Variants in ITGAE observed in about 807,000 individuals in gnomAD.
The protein encoded by ITGAE is integrin alpha-E.
ITGAE carries 99 observed loss-of-function variants against 136.5 expected under a neutral mutation model. That is an observed-to-expected ratio of 0.73 (90% confidence interval 0.62 to 0.86). The LOEUF (loss-of-function observed/expected upper bound fraction) is 0.86. Among genes scored for constraint, ITGAE ranks in the 40% least tolerant of loss-of-function variants. ITGAE has a pLI of 0.00. For synonymous variants in ITGAE, 613 were observed against 591.8 expected (o/e 1.04, Z -0.52); for missense variants, 1,447 against 1,515.3 (o/e 0.95, Z 0.75).
At chr17:3,747,822 CCA>C in intron 17 of ITGAE, 98 bp downstream of exon 17, 1 of 316,518 alleles carries the variant, frequency 3.2e-6, no homozygotes, top group Non-Finnish European at 6.0e-6. Context: ...AGACCAACAC[CCA>C]CCCACCCCCC....
intron 23 of ITGAE, chr17:3,730,608 G>C (rs1371932189): frequency 6.5e-6 from 1 of 154,530 alleles, no homozygotes; most frequent in Admixed American, 6.3e-5. Context: ...GGTTGTGGGG[G>C]CTGTCCTGTA....
chr17:3,741,333 A>G (rs111443406), intron 19 of ITGAE, among the ~76,000 whole-genome samples: 1,716 of 149,360 alleles, frequency 0.011, 41 homozygotes, highest in African/African-American at 0.038. Context: ...ATGATCCGCC[A>G]GCCTCGGCCT....
At chr17:3,717,263 C>A in intron 29 of ITGAE, 1 of 156,926 alleles carries the variant, frequency 6.4e-6, no homozygotes, top group East Asian at 1.9e-4. Flanking sequence ...TTGCACAGAT[C>A]CCTAAAGGCT....
chr17:3,782,340 A>AGTGTGTGTGTGTGTGTGTGTGTGT (rs151134975), intron 1 of ITGAE, among the ~76,000 whole-genome samples: 1 of 109,618 alleles, frequency 9.1e-6, no homozygotes, highest in Non-Finnish European at 1.8e-5. Flanking sequence ...TTAAATCTCT[A>AGTGTGTGTGTGTGTGTGTGTGTGT]GTGTGTGTGT....
At chr17:3,719,852 C>G (rs2143006100) in intron 29 of ITGAE, among the ~76,000 whole-genome samples, 1 of 152,140 alleles carries the variant, frequency 6.6e-6, no homozygotes. Context: ...CTCAGCCTCC[C>G]AAGTAGGTGG....
At chr17:3,731,335 CTTTTTTTTTTTTTT>C (rs78134599) in intron 22 of ITGAE, 152 bp from the exon 23 acceptor site, 334 of 396,622 alleles carry the variant, frequency 8.4e-4, no homozygotes, top group East Asian at 1.4e-3. Context: ...CTTTCCCTTC[CTTTTTTTTTTTTTT>C]TTTTTTTTTT....
chr17:3,785,191 G>A (rs116124501), intron 1 of ITGAE, among the ~76,000 whole-genome samples: 2,268 of 151,824 alleles, frequency 0.015, 56 homozygotes, highest in African/African-American at 0.051. Context: ...AAAGATGGCC[G>A]GACATGGTGG....
At position 3,724,046 on chromosome 17, in the gene ITGAE, G is replaced by T. The variant is rs375510628; in HGVS notation, c.3085-302C>A. On this transcript the variant is annotated intron_variant, in intron 26 of 30. Coordinates refer to ENST00000263087, the MANE Select transcript of ITGAE (RefSeq NM_002208.5). The stretch of plus-strand genomic sequence containing the variant: ...GGGAAGCCGCGCAGTGGTTCCCGCC[G>T]CAGGACCGGAGGCGTTTCTTCAACA... The T allele has an allele frequency of 9.8e-5, 157 of 1,596,264 alleles. 1 individual carries two copies. The highest frequency in any genetic ancestry group is 6.6e-4 in the Middle Eastern group (4 of 6,040).
At chr17:3,789,510 T>C (rs1197192500) in intron 1 of ITGAE, among the ~76,000 whole-genome samples, 1 of 150,858 alleles carries the variant, frequency 6.6e-6, no homozygotes, top group African/African-American at 2.4e-5. Context: ...TTTTTGTTTT[T>C]TGTTTTTTGA....
chr17:3,755,013 C>T, intron 12 of ITGAE, 104 bp downstream of exon 12: 1 of 1,336,404 alleles, frequency 7.5e-7, no homozygotes, highest in Non-Finnish European at 9.9e-7. Flanking sequence ...CAGGTAGGCC[C>T]CGCCCTCGCC....
chr17:3,748,147 A>G, intron 16 of ITGAE, 95 bp from the exon 17 acceptor site: 1 of 1,261,748 alleles, frequency 7.9e-7, no homozygotes, highest in African/African-American at 1.5e-5. Context: ...GTTCTCTATC[A>G]AACATGCCCA....
chr17:3,734,994 AAAAACC>A, intron 20 of ITGAE, 45 bp from the exon 21 acceptor site: 3 of 1,610,296 alleles, frequency 1.9e-6, no homozygotes, highest in Non-Finnish European at 2.5e-6. Flanking sequence ...TTTCATCTGT[AAAAACC>A]TCAACGCAAT....
At chr17:3,787,042 T>C (rs950863193) in intron 1 of ITGAE, among the ~76,000 whole-genome samples, 2 of 151,728 alleles carry the variant, frequency 1.3e-5, no homozygotes, top group East Asian at 3.9e-4. Context: ...ATGCAGAAAA[T>C]GGCATCTGAT....
chr17:3,761,537 A>C lies in ITGAE; in HGVS notation c.316-17T>G. 6.3e-7 allele frequency: 1 copy of C among 1,597,938 alleles called. No homozygotes were observed. The highest frequency in any genetic ancestry group is 8.5e-7 in the Non-Finnish European group (1 of 1,170,608). ...AATGCATATCTGTGGGAGGGAAGAG[A>C]GGGTGGGGAAACACCAGGTCACCTC... On this transcript the variant is annotated splice_polypyrimidine_tract_variant and intron_variant, in intron 4 of 30. Coordinates refer to ENST00000263087, the MANE Select transcript of ITGAE (RefSeq NM_002208.5).
At chr17:3,782,797 T>C (rs1476387593) in intron 1 of ITGAE, among the ~76,000 whole-genome samples, 1 of 152,212 alleles carries the variant, frequency 6.6e-6, no homozygotes, top group Non-Finnish European at 1.5e-5. Flanking sequence ...CTCCTTTTTT[T>C]GGTTTAGTGA....
chr17:3,725,644 C>T (rs1467505059), intron 26 of ITGAE: 2 of 1,602,590 alleles, frequency 1.2e-6, no homozygotes. Flanking sequence ...GGATCTTACC[C>T]TCCCTTGCTC....
chr17:3,799,992 G>A lies in ITGAE; in HGVS notation c.34+1119C>T, dbSNP rs923720803. 1.3e-5 allele frequency among the ~76,000 whole-genome samples: 2 copies of A among 152,126 alleles called. No homozygotes were observed. The highest frequency in any genetic ancestry group is 2.9e-5 in the Non-Finnish European group (2 of 68,014). On this transcript the variant is annotated intron_variant, in intron 1 of 30. Transcript: ENST00000263087. The surrounding 1 kb of genome is among the most constrained non-coding windows in gnomAD (Gnocchi z 4.1). ...AAATTAGCCAGGCGTGGTGGCAGGC[G>A]CCTGTAATCCCAGCTACTCGGGAGG...
chr17:3,747,359 C>T (rs1282103452), intron 17 of ITGAE, among the ~76,000 whole-genome samples: 3 of 152,040 alleles, frequency 2.0e-5, no homozygotes, highest in African/African-American at 7.2e-5. Flanking sequence ...GCTCTGTCAC[C>T]CAGCGTGGAG....
chr17:3,739,724 G>A (rs554322606), intron 20 of ITGAE, 81 bp downstream of exon 20: 17 of 1,154,878 alleles, frequency 1.5e-5, no homozygotes, highest in Non-Finnish European at 2.2e-5. Flanking sequence ...GGGATGTGCA[G>A]GGTGTCCTAA....
Sources: gnomAD v4.1 joint callset for allele counts (sites outside exome capture counted in the v4.1 genomes callset) on GRCh38, gnomAD v4.1.1 for gene constraint, Gnocchi (gnomAD v3.1) non-coding constraint, MANE v1.5 for transcripts, NCBI Gene and HGNC (gene_info 2026-07-23, HGNC 2026-07-21) for gene names.